FBL: variants seen among roughly 807,000 people sequenced by gnomAD.
FBL encodes fibrillarin rRNA 2'-O-methyltransferase, also known as rRNA 2'-O-methyltransferase fibrillarin.
A neutral mutation model predicts 42.2 loss-of-function variants in FBL; 10 were observed. The observed-to-expected ratio is 0.24, with a 90% CI of 0.15 to 0.40. The LOEUF (loss-of-function observed/expected upper bound fraction) is 0.40. Ranked by LOEUF, FBL falls within the 10% of genes least tolerant of loss-of-function variation. The pLI is 1.00. For synonymous variants in FBL, 165 were observed against 165.4 expected, an observed-to-expected ratio of 1.00 and a Z score of 0.02; for missense variants, 351 against 439.2, an observed-to-expected ratio of 0.80 and a Z score of 1.79.
At chr19:39,846,089 T>C (rs1599661588) in intron 1 of FBL, among the ~76,000 whole-genome samples, 1 of 152,204 alleles carries the variant, frequency 6.6e-6, no homozygotes, top group Admixed American at 6.5e-5. Flanking sequence ...CACGGCCTTC[T>C]TCGACTCACG....
intron 6 of FBL, 39 bp downstream of exon 6, chr19:39,837,672 C>T (rs1294431941): frequency 1.3e-6 from 2 of 1,505,070 alleles, no homozygotes; most frequent in East Asian, 4.9e-5. Context: ...CCTGCGGTGG[C>T]CTGTCCTACC....
At chr19:39,846,182 C>G in intron 1 of FBL, 109 bp downstream of exon 1, 1 of 1,320,084 alleles carries the variant, frequency 7.6e-7, no homozygotes. Context: ...GGAACCCGTG[C>G]TCAGAACCCC....
In FBL at chr19:39,834,555, G is replaced by C. The variant is rs1378676336; in HGVS notation, c.949C>G (p.Pro317Ala). 2 of 1,614,010 alleles carry C rather than the reference G, an allele frequency of 1.2e-6. No homozygotes were observed. Among genetic ancestry groups the C allele is most frequent in the Admixed American group, 1.7e-5 (1 of 60,002 alleles). ...GCTGAACTTCAGTTCTTCACCTTGG[G>C]GGGTGGCCTGTGAGAGGAAGATAGG... The part of the protein sequence containing the change: ...AVVVGVYRPP[P>A]KVKN Residue 317 changes from proline to alanine, a missense_variant, in exon 9 of 9, where the codon CCC becomes GCC. Transcript: ENST00000221801.
intron 1 of FBL, among the ~76,000 whole-genome samples, chr19:39,842,467 A>ATGTGTT (rs1273580687): frequency 6.6e-6 from 1 of 152,198 alleles, no homozygotes; most frequent in Non-Finnish European, 1.5e-5. Flanking sequence ...AAGATAAAAA[A>ATGTGTT]TGTGTCTTTT....
At chr19:39,837,875 T>C (rs753588613) in intron 5 of FBL, 32 bp from the exon 6 acceptor site, 29 of 1,601,964 alleles carry the variant, frequency 1.8e-5, no homozygotes, top group Non-Finnish European at 2.2e-5. Flanking sequence ...TGAACAGTGA[T>C]GCTAGTTCTC....
At chr19:39,839,306 C>T (rs1969112042) in intron 4 of FBL, 101 bp from the exon 5 acceptor site, 1 of 910,236 alleles carries the variant, frequency 1.1e-6, no homozygotes, top group East Asian at 2.5e-5. Context: ...TGTCCTATCA[C>T]TGCACAAGAA....
chr19:39,841,625 T>C (rs1402422052), intron 1 of FBL, among the ~76,000 whole-genome samples: 1 of 152,186 alleles, frequency 6.6e-6, no homozygotes, highest in Non-Finnish European at 1.5e-5. Context: ...AACGTCTTCA[T>C]ACTCTCCCAC....
Position 39,840,329 on chromosome 19 carries a change from T to G in FBL, c.284-2A>C. 2 of 1,613,846 alleles carry G rather than the reference T, an allele frequency of 1.2e-6. No individual in the cohort carries two copies. Among genetic ancestry groups the G allele is most frequent in the Non-Finnish European group, 1.7e-6 (2 of 1,179,752 alleles). ...CCTTTCCTCGACAAATGAAGACACC[T>G]GGGTGAGGGGATCAGAGCAGGGGTG... On this transcript the variant is annotated splice_acceptor_variant, in intron 3 of 8. Coordinates refer to ENST00000221801, the MANE Select transcript of FBL (RefSeq NM_001436.4). LOFTEE classifies it high-confidence loss of function. This position sits in a 1 kb window ranked among gnomAD's most constrained non-coding sequence, Gnocchi z 4.5.
At chr19:39,835,943 AG>A (rs1969037990) in intron 7 of FBL, among the ~76,000 whole-genome samples, 1 of 151,854 alleles carries the variant, frequency 6.6e-6, no homozygotes, top group Admixed American at 6.6e-5. Flanking sequence ...AAAAAAAAAA[AG>A]TTTTTAGTTT....
chr19:39,845,442 C>T (rs916376165), intron 1 of FBL, among the ~76,000 whole-genome samples: 9 of 152,178 alleles, frequency 5.9e-5, no homozygotes, highest in Admixed American at 2.6e-4. Flanking sequence ...AAGCCACTTG[C>T]CCAAGTTCAC....
chr19:39,839,289 A>C (rs567593010), intron 4 of FBL, 84 bp from the exon 5 acceptor site: 2 of 1,147,180 alleles, frequency 1.7e-6, no homozygotes, highest in Non-Finnish European at 2.5e-6. Context: ...CTTGAAAGGA[A>C]CTGGGCTGTC....
Position 39,837,772 on chromosome 19 carries a change from C to T in FBL, c.621G>A (p.Arg207=). 6.2e-7 allele frequency: 1 copy of T among 1,606,732 alleles called. No individual in the cohort carries two copies. Among genetic ancestry groups the T allele is most frequent in the Non-Finnish European group, 8.5e-7 (1 of 1,177,114 alleles). ...CCTCGATCACAGGAATGATGTTGGT[C>T]CTCTTCTTGGCCAAGTTAATGAGGT... ...GRDLINLAKK[R]TNIIPVIEDA... is the part of the protein sequence containing the mutation. Residue 207 remains arginine (R), a synonymous_variant, in exon 6 of 9, where the codon AGG becomes AGA. Coordinates refer to ENST00000221801, the MANE Select transcript of FBL (RefSeq NM_001436.4).
At chr19:39,834,923 A>G (rs567393544) in intron 7 of FBL, 110 bp from the exon 8 acceptor site, 12 of 1,183,346 alleles carry the variant, frequency 1.0e-5, no homozygotes, top group Admixed American at 4.3e-5. Context: ...ACTCAGTGCT[A>G]TGGTTCTAGT....
Position 39,840,604 on chromosome 19 carries a change from T to C in FBL, c.181+13A>G. 6.2e-7 allele frequency: 1 copy of C among 1,613,380 alleles called. No individual in the cohort carries two copies. The highest frequency in any genetic ancestry group is 1.1e-5 in the South Asian group (1 of 91,032). On this transcript the variant is annotated intron_variant, in intron 2 of 8. Coordinates refer to ENST00000221801, the MANE Select transcript of FBL (RefSeq NM_001436.4). The surrounding 1 kb of genome is among the most constrained non-coding windows in gnomAD (Gnocchi z 4.5). ...TCAGGAAGGCCTCCTCTGTAACCCC[T>C]AGCCAATCTTACCACCTCTTCCTCC...
intron 4 of FBL, among the ~76,000 whole-genome samples, chr19:39,839,559 A>G (rs1262897215): frequency 1.3e-5 from 2 of 152,274 alleles, no homozygotes; most frequent in East Asian, 1.9e-4. Context: ...ACTAAATACA[A>G]CATGGCATAT....
At chr19:39,836,511 C>T (rs1249824954) in intron 7 of FBL, 45 bp downstream of exon 7, 3 of 1,316,410 alleles carry the variant, frequency 2.3e-6, no homozygotes, top group Non-Finnish European at 3.3e-6. Flanking sequence ...AAGATACCTC[C>T]CTAGAACACT....
Position 39,836,575 on chromosome 19 carries a change from T to C in FBL, c.776A>G (p.His259Arg). The change falls in exon 7 of 9, where the codon CAC becomes CGC. Residue 259 changes from histidine (H) to arginine (R), a missense_variant. Coordinates refer to ENST00000221801, the MANE Select transcript of FBL (RefSeq NM_001436.4). ...NAHTFLRNGG[H>R]FVISIKANCI... The stretch of plus-strand genomic sequence containing the variant: ...CCGCACCTTAATGGAAATCACAAAG[T>C]GTCCTCCATTACGCAGGAAGGTGTG... 2 of 1,612,908 alleles carry C rather than the reference T, an allele frequency of 1.2e-6. No individual in the cohort carries two copies.
chr19:39,844,435 C>G (rs895120303), intron 1 of FBL, among the ~76,000 whole-genome samples: 1 of 151,832 alleles, frequency 6.6e-6, no homozygotes, highest in Non-Finnish European at 1.5e-5. Context: ...AGAAAAAACA[C>G]ATGTTCACAC....
chr19:39,846,161 C>A, intron 1 of FBL, 130 bp downstream of exon 1: 1 of 1,086,594 alleles, frequency 9.2e-7, no homozygotes, highest in Non-Finnish European at 1.4e-6. Context: ...TCCCCCTTCC[C>A]ACAGGAGACT....
Sources: gnomAD v4.1 joint callset for allele counts (sites outside exome capture counted in the v4.1 genomes callset) on GRCh38, gnomAD v4.1.1 for gene constraint, Gnocchi (gnomAD v3.1) non-coding constraint, MANE v1.5 for transcripts, NCBI Gene and HGNC (gene_info 2026-07-23, HGNC 2026-07-21) for gene names.